Variants in MAN1A2 observed in about 807,000 individuals in gnomAD.
The protein encoded by MAN1A2 is mannosyl-oligosaccharide 1,2-alpha-mannosidase IB.
In MAN1A2, 26 loss-of-function variants were observed where a neutral mutation model predicts 75.7. The ratio of observed to expected loss-of-function variants is 0.34; its 90% CI spans 0.25 to 0.48. The LOEUF (loss-of-function observed/expected upper bound fraction) is 0.48, where lower values mean the gene tolerates loss of function less well. Among genes scored for constraint, MAN1A2 ranks in the 20% least tolerant of loss-of-function variants. The pLI is 0.99. For synonymous variants in MAN1A2, 247 were observed against 264.6 expected (o/e 0.93, Z 0.65); for missense variants, 562 against 775.5 (o/e 0.72, Z 3.27).
At chr1:117,480,556 C>A (rs1650464745) in intron 8 of MAN1A2, among the ~76,000 whole-genome samples, 1 of 151,762 alleles carries the variant, frequency 6.6e-6, no homozygotes, top group Non-Finnish European at 1.5e-5. Context: ...AAAAAAAAGT[C>A]AATTCCTATT....
At chr1:117,404,680 A>T (rs1046029275) in intron 2 of MAN1A2, among the ~76,000 whole-genome samples, 4 of 152,174 alleles carry the variant, frequency 2.6e-5, no homozygotes, top group Non-Finnish European at 5.9e-5. Context: ...CCTGAATCAC[A>T]TGTATCCACT....
Position 117,481,320 on chromosome 1 carries a change from T to TA in MAN1A2, c.1169-11816dup, listed in dbSNP as rs532902296. Reference sequence around the variant, plus strand: ...TCTTCATGTCTTGGTAAAGCCTATTTAAAAAAAAAAAGGAATAGTCTATTT... The same window carrying TA: ...TCTTCATGTCTTGGTAAAGCCTATTTAAAAAAAAAAAAGGAATAGTCTATTT... On this transcript the variant is annotated intron_variant, in intron 8 of 12. Coordinates refer to ENST00000356554, the MANE Select transcript of MAN1A2 (RefSeq NM_006699.5). 4.6e-3 allele frequency among the ~76,000 whole-genome samples: 677 copies of TA among 145,732 alleles called. 4 individuals are homozygous for TA. The highest frequency in any genetic ancestry group is 6.9e-3 in the Middle Eastern group (2 of 290).
At chr1:117,378,639 T>A (rs952322466) in intron 1 of MAN1A2, among the ~76,000 whole-genome samples, 1 of 59,570 alleles carries the variant, frequency 1.7e-5, no homozygotes, top group Non-Finnish European at 3.5e-5. Flanking sequence ...TATCATTGAC[T>A]CTAAATTTTT....
chr1:117,380,854 C>T (rs1653312820), intron 1 of MAN1A2, among the ~76,000 whole-genome samples: 1 of 152,132 alleles, frequency 6.6e-6, no homozygotes, highest in South Asian at 2.1e-4. Context: ...AGACCACTGA[C>T]CATTCCTTAT....
chr1:117,396,487 A>G (rs918072718), intron 1 of MAN1A2, among the ~76,000 whole-genome samples: 4 of 152,236 alleles, frequency 2.6e-5, no homozygotes, highest in Non-Finnish European at 5.9e-5. Flanking sequence ...AAATATGTAT[A>G]TAAGAGAAAG....
intron 3 of MAN1A2, among the ~76,000 whole-genome samples, chr1:117,411,151 A>T (rs894909076): frequency 2.6e-5 from 4 of 151,736 alleles, no homozygotes; most frequent in South Asian, 2.1e-4. Flanking sequence ...TAATTTTTTT[A>T]AAAAAAACCA....
chr1:117,456,110 G>A (rs927079506), intron 6 of MAN1A2, among the ~76,000 whole-genome samples: 6 of 151,980 alleles, frequency 3.9e-5, no homozygotes, highest in African/African-American at 9.7e-5. Context: ...TAATGTGCCC[G>A]AAGAAATTGG....
At chr1:117,392,613 T>G (rs1653761214) in intron 1 of MAN1A2, among the ~76,000 whole-genome samples, 1 of 152,242 alleles carries the variant, frequency 6.6e-6, no homozygotes, top group Non-Finnish European at 1.5e-5. Flanking sequence ...TAAATTTTAC[T>G]GAGTTAAGCT....
chr1:117,433,383 A>G (rs920271835), intron 5 of MAN1A2, among the ~76,000 whole-genome samples: 15 of 152,168 alleles, frequency 9.9e-5, no homozygotes, highest in African/African-American at 3.6e-4. Flanking sequence ...CTAAAAGGTA[A>G]TTATTATTTT....
intron 12 of MAN1A2, among the ~76,000 whole-genome samples, chr1:117,514,375 AG>A (rs1651646720): frequency 6.8e-6 from 1 of 146,810 alleles, no homozygotes; most frequent in African/African-American, 2.5e-5. Context: ...AAAAAAAAAA[AG>A]AAGAAAAAGA....
chr1:117,392,752 G>T (rs146635053), intron 1 of MAN1A2, among the ~76,000 whole-genome samples: 4 of 152,254 alleles, frequency 2.6e-5, no homozygotes, highest in Admixed American at 1.3e-4. Flanking sequence ...TCTTTTAATA[G>T]CCAGATAGGT....
At chr1:117,397,099 G>C (rs973735842) in intron 1 of MAN1A2, among the ~76,000 whole-genome samples, 2 of 151,996 alleles carry the variant, frequency 1.3e-5, no homozygotes, top group Non-Finnish European at 2.9e-5. Flanking sequence ...TGAATTTCCT[G>C]GAACTCTGGA....
intron 5 of MAN1A2, among the ~76,000 whole-genome samples, chr1:117,422,662 C>T: frequency 6.6e-6 from 1 of 152,016 alleles, no homozygotes; most frequent in Non-Finnish European, 1.5e-5. Context: ...ATTTTGCATT[C>T]CCTGATGACA....
At chr1:117,486,087 G>T (rs1485999236) in intron 8 of MAN1A2, among the ~76,000 whole-genome samples, 1 of 151,970 alleles carries the variant, frequency 6.6e-6, no homozygotes, top group Non-Finnish European at 1.5e-5. Context: ...ATAACATACA[G>T]AAATGCAAAT....
intron 1 of MAN1A2, among the ~76,000 whole-genome samples, chr1:117,396,336 A>G (rs955760067): frequency 2.8e-4 from 42 of 152,216 alleles, no homozygotes; most frequent in Non-Finnish European, 4.4e-4. Flanking sequence ...GCTGAAGTCA[A>G]TGGTGAGACT....
chr1:117,469,488 G>A (rs1018899386), intron 8 of MAN1A2, among the ~76,000 whole-genome samples: 3 of 152,032 alleles, frequency 2.0e-5, no homozygotes, highest in Non-Finnish European at 4.4e-5. Flanking sequence ...GAAAATTTTT[G>A]TGCATCAAAG....
chr1:117,389,204 T>C lies in MAN1A2; in HGVS notation c.303-12982T>C, dbSNP rs138496522. On this transcript the variant is annotated intron_variant, in intron 1 of 12. Transcript: ENST00000356554. ...CTATGTGCATGATAGTTTCTTCTTT[T>C]TCCTTTGGGTTTTATACCTTCTTCA... 1.4e-3 allele frequency among the ~76,000 whole-genome samples: 209 copies of C among 152,338 alleles called. 2 individuals are homozygous for C. The highest frequency in any genetic ancestry group is 4.8e-3 in the African/African-American group (201 of 41,580).
chr1:117,382,500 G>A (rs985474755), intron 1 of MAN1A2, among the ~76,000 whole-genome samples: 16 of 152,110 alleles, frequency 1.1e-4, no homozygotes, highest in East Asian at 5.8e-4. Context: ...GTAGATATGC[G>A]GCATTATTTC....
intron 8 of MAN1A2, among the ~76,000 whole-genome samples, chr1:117,489,358 T>C (rs114968041): frequency 1.2e-3 from 178 of 152,232 alleles, no homozygotes; most frequent in African/African-American, 4.0e-3. Context: ...TTGGATATTA[T>C]CAGTCTTTTA....
Sources: gnomAD v4.1 joint callset for allele counts (sites outside exome capture counted in the v4.1 genomes callset) on GRCh38, gnomAD v4.1.1 for gene constraint, MANE v1.5 for transcripts, NCBI Gene and HGNC (gene_info 2026-07-23, HGNC 2026-07-21) for gene names.